The following SMARCC1 variants were observed in gnomAD, a reference collection of about 807,000 sequenced individuals.
SMARCC1 encodes SWI/SNF related BAF chromatin remodeling complex subunit C1.
Under a neutral mutation model 147.4 loss-of-function variants are expected in SMARCC1, and 43 were observed. The ratio of observed to expected loss-of-function variants is 0.29; its 90% CI spans 0.23 to 0.38. SMARCC1 has a LOEUF of 0.38. Ranked by LOEUF, SMARCC1 falls within the 10% of genes least tolerant of loss-of-function variation. The pLI is 1.00. For missense variants in SMARCC1, 1,119 were observed against 1,381.1 expected (o/e 0.81, Z 3.01); for synonymous variants, 495 against 484.4 (o/e 1.02, Z -0.29).
At chr3:47,602,448 C>T (rs2032403077) in intron 26 of SMARCC1, among the ~76,000 whole-genome samples, 1 of 152,140 alleles carries the variant, frequency 6.6e-6, no homozygotes, top group Admixed American at 6.5e-5. Context: ...CAGGCACACG[C>T]CACCACACCA....
rs1049821086 is a variant in SMARCC1, at chr3:47,689,283, T to C, written c.1263+104A>G. 1.3e-5 allele frequency: 12 copies of C among 912,606 alleles called. No individual in the cohort carries two copies. The African/African-American group carries it at 2.0e-4, about 15-fold the overall frequency. The allele number at this position is 912,606 out of a possible 1,614,324, so 56.5% of individuals were successfully genotyped here. A position where few individuals can be genotyped will look rare whatever the true frequency, so the allele number is the denominator to read the frequency against. ...AAAAAAATTCAAAAACCAGAAGGGC[T>C]TCATAGTCCAAAAATTGGGTTATGT... On this transcript the variant is annotated intron_variant, in intron 13 of 27. Coordinates refer to ENST00000254480, the MANE Select transcript of SMARCC1 (RefSeq NM_003074.4).
intron 7 of SMARCC1, 42 bp downstream of exon 7, chr3:47,720,624 A>C (rs2034220811): frequency 7.8e-7 from 1 of 1,284,480 alleles, no homozygotes; most frequent in East Asian, 2.3e-5. Flanking sequence ...CCTTCCTTTC[A>C]CAGAAATCTT....
chr3:47,590,872 T>C lies in SMARCC1; in HGVS notation c.3044-35A>G, dbSNP rs756590540. 2.6e-6 allele frequency: 4 copies of C among 1,555,844 alleles called. No individual in the cohort carries two copies. The African/African-American group carries it at 5.5e-5, about 21-fold the overall frequency. ...GAGATTTAAAGTACTGTAAGTATACTAGAAAGGGGTGTAAGAAAGGGATCA... is the reference window on the plus strand; with the variant it reads ...GAGATTTAAAGTACTGTAAGTATACCAGAAAGGGGTGTAAGAAAGGGATCA... On this transcript the variant is annotated intron_variant, in intron 26 of 27. Coordinates refer to ENST00000254480, the MANE Select transcript of SMARCC1 (RefSeq NM_003074.4).
intron 2 of SMARCC1, among the ~76,000 whole-genome samples, chr3:47,768,485 G>T (rs1386205147): frequency 1.3e-5 from 2 of 152,040 alleles, no homozygotes; most frequent in African/African-American, 4.8e-5. Flanking sequence ...CACCATTTTT[G>T]AAAAGATTCA....
chr3:47,708,083 CTTTTTTTTTTTTTT>C (rs915291740), intron 9 of SMARCC1, among the ~76,000 whole-genome samples: 84 of 64,274 alleles, frequency 1.3e-3, no homozygotes, highest in African/African-American at 5.4e-3. Context: ...AATTTTTTTT[CTTTTTTTTTTTTTT>C]TTTTTTTTTT....
intron 10 of SMARCC1, among the ~76,000 whole-genome samples, chr3:47,702,230 C>A (rs376051799): frequency 9.4e-3 from 1,223 of 130,336 alleles, no homozygotes; most frequent in South Asian, 0.011. Flanking sequence ...TCAGGGGGCT[C>A]AAAAAAAAAA....
Position 47,662,422 on chromosome 3 carries a change from C to A in SMARCC1, c.2070G>T (p.Gln690His), listed in dbSNP as rs2033358818. 1 of 1,614,010 alleles carries A rather than the reference C, an allele frequency of 6.2e-7. No homozygotes were observed. Among genetic ancestry groups the A allele is most frequent in the Admixed American group, 1.7e-5 (1 of 60,006 alleles). Residue 690 changes from glutamine to histidine, a missense_variant, in exon 20 of 28, where the codon CAG becomes CAT. Coordinates refer to ENST00000254480, the MANE Select transcript of SMARCC1 (RefSeq NM_003074.4). ...PLAYQPVPFSQSGNPVMSTVA... is the reference protein window; with the variant it reads ...PLAYQPVPFSHSGNPVMSTVA... ...CAGTACTCATAACTGGATTTCCTGACTGACTGAAGGGGACAGGCTGGTAGG... is the reference window on the plus strand; with the variant it reads ...CAGTACTCATAACTGGATTTCCTGAATGACTGAAGGGGACAGGCTGGTAGG...
chr3:47,723,413 T>C (rs1002376594), intron 6 of SMARCC1, among the ~76,000 whole-genome samples: 2 of 129,936 alleles, frequency 1.5e-5, no homozygotes, highest in African/African-American at 5.8e-5. Flanking sequence ...CAGGCTGGAG[T>C]GCAGTGGCAC....
chr3:47,622,267 T>G lies in SMARCC1; in HGVS notation c.2721A>C (p.Leu907=), dbSNP rs140035331. ...CTTCAAAATGTCGAAGTTTGATCTCTAGTTTCTTCATTTGTGTCTCAACCA... is the reference window on the plus strand; with the variant it reads ...CTTCAAAATGTCGAAGTTTGATCTCGAGTTTCTTCATTTGTGTCTCAACCA... ...ALLVETQMKK[L]EIKLRHFEEL... Residue 907 remains leucine, a synonymous_variant, in exon 25 of 28, where the codon CTA becomes CTC. Coordinates refer to ENST00000254480, the MANE Select transcript of SMARCC1 (RefSeq NM_003074.4). 1.9e-5 allele frequency: 30 copies of G among 1,605,916 alleles called. No individual in the cohort carries two copies. Among genetic ancestry groups the G allele is most frequent in the Admixed American group, 1.6e-4 (9 of 57,712 alleles).
intron 21 of SMARCC1, among the ~76,000 whole-genome samples, chr3:47,645,137 C>T (rs149677395): frequency 9.4e-4 from 143 of 152,150 alleles, no homozygotes; most frequent in African/African-American, 3.3e-3. Context: ...ATTAGCTGGA[C>T]GTGGTGGCGC....
chr3:47,772,722 CA>C, intron 2 of SMARCC1, 94 bp downstream of exon 2: 1 of 1,059,934 alleles, frequency 9.4e-7, no homozygotes. Flanking sequence ...TTAAATTCTA[CA>C]CGCTAGCAGC....
rs574911999 is a variant in SMARCC1 at position 47,610,397 on chromosome 3, A to C, written c.2782-70T>G. 113 of 1,539,628 alleles carry C rather than the reference A, an allele frequency of 7.3e-5. 3 individuals carry two copies. The South Asian group carries it at 1.3e-3, about 17-fold the overall frequency. ...TTCAGGATTGGATAACACAAAGGAC[A>C]ACTACATAATGCCTGAATTACCTCT... On this transcript the variant is annotated intron_variant, in intron 25 of 27. Coordinates refer to ENST00000254480, the MANE Select transcript of SMARCC1 (RefSeq NM_003074.4).
Position 47,706,450 on chromosome 3 carries a change from AG to A in SMARCC1, c.998del (p.Pro333LeufsTer35). ...TCTTCCGTGATTCTGTTGGTGTCGGAGGGGGAGGCGAAGGCGAATGTTTCCT... is the reference window on the plus strand; with the variant it reads ...TCTTCCGTGATTCTGTTGGTGTCGGAGGGGAGGCGAAGGCGAATGTTTCCT... ...RKRKHSPSPPPPTPTESRKKS... is the reference protein window; with the variant it reads ...RKRKHSPSPPXPTPTESRKKS... On this transcript the variant is annotated frameshift_variant, in exon 10 of 28. Coordinates refer to ENST00000254480, the MANE Select transcript of SMARCC1 (RefSeq NM_003074.4). LOFTEE classifies it high-confidence loss of function. The A allele has an allele frequency of 6.3e-7, 1 of 1,578,832 alleles. No homozygotes were observed. Among genetic ancestry groups the A allele is most frequent in the Non-Finnish European group, 8.6e-7 (1 of 1,166,638 alleles).
At chr3:47,614,814 A>T (rs764250919) in intron 25 of SMARCC1, among the ~76,000 whole-genome samples, 5 of 152,170 alleles carry the variant, frequency 3.3e-5, no homozygotes, top group Non-Finnish European at 7.4e-5. Context: ...TCCTCAACTC[A>T]AGGTCCCGCA....
chr3:47,720,526 C>A, intron 7 of SMARCC1, 140 bp downstream of exon 7: 2 of 641,302 alleles, frequency 3.1e-6, no homozygotes, highest in South Asian at 2.1e-5. Context: ...AGAAAACAGT[C>A]AATAAAAGAC....
At chr3:47,647,420 T>C (rs2033131737) in intron 21 of SMARCC1, among the ~76,000 whole-genome samples, 1 of 152,218 alleles carries the variant, frequency 6.6e-6, no homozygotes, top group African/African-American at 2.4e-5. Context: ...ATGTTGAAGG[T>C]AGACTAGGCT....
chr3:47,685,765 G>C (rs1313715142), intron 14 of SMARCC1, among the ~76,000 whole-genome samples: 1 of 152,096 alleles, frequency 6.6e-6, no homozygotes, highest in Non-Finnish European at 1.5e-5. Flanking sequence ...GCTGAAGCAA[G>C]AGAATCACTT....
In SMARCC1 at chr3:47,587,885, A is replaced by G; in HGVS notation, c.*324T>C. ...AAAACTGCAAGAGAGCAAAAATGGT[A>G]AAGACATAGCATGCTAAAGTTGACA... On this transcript the variant is annotated 3_prime_UTR_variant, in exon 28 of 28. Coordinates refer to ENST00000254480, the MANE Select transcript of SMARCC1 (RefSeq NM_003074.4). 3.4e-6 allele frequency: 1 copy of G among 294,014 alleles called. No homozygotes were observed. Among genetic ancestry groups the G allele is most frequent in the South Asian group, 5.4e-5 (1 of 18,630 alleles). 18.2% of individuals were successfully genotyped at this position (294,014 alleles called of 1,614,324 possible). A position where few individuals can be genotyped will look rare whatever the true frequency, so the allele number is the denominator to read the frequency against.
chr3:47,780,258 G>A (rs1190446531), intron 1 of SMARCC1, among the ~76,000 whole-genome samples: 1 of 129,106 alleles, frequency 7.7e-6, no homozygotes, highest in Admixed American at 1.0e-4. Flanking sequence ...TGCAGCTTCT[G>A]CCTCCTGGGT....
Sources: allele counts gnomAD v4.1 joint callset (sites outside exome capture counted in the v4.1 genomes callset), GRCh38; gene constraint gnomAD v4.1.1; transcripts MANE v1.5; gene names NCBI Gene and HGNC (gene_info 2026-07-23, HGNC 2026-07-21).